The following PHF5A variants were observed in gnomAD, a reference collection of about 807,000 sequenced individuals.
PHF5A encodes the protein PHD finger protein 5A.
For synonymous variants in PHF5A, 52 were observed against 46.0 expected (o/e 1.13, Z -0.52); for missense variants, 24 against 140.6 (o/e 0.17, Z 4.19).
chr22:41,467,873 G>A, intron 2 of PHF5A: 1 of 606,594 alleles, frequency 1.6e-6, no homozygotes. Flanking sequence ...TATAATTGCT[G>A]GCAAAGTGCT....
intron 3 of PHF5A, 41 bp from the exon 4 acceptor site, chr22:41,460,528 G>A (rs760564197): frequency 4.0e-6 from 6 of 1,494,560 alleles, no homozygotes; most frequent in East Asian, 2.3e-5. Context: ...CTTTGAGCCT[G>A]AACCAAGAGT....
At chr22:41,467,376 G>A in intron 3 of PHF5A, 72 bp downstream of exon 3, 19 of 1,444,278 alleles carry the variant, frequency 1.3e-5, no homozygotes, top group Non-Finnish European at 1.8e-5. Context: ...ATAGACCATA[G>A]GAGATTGCAG....
intron 3 of PHF5A, among the ~76,000 whole-genome samples, chr22:41,465,409 T>C (rs1276513068): frequency 2.0e-5 from 3 of 151,658 alleles, no homozygotes; most frequent in Non-Finnish European, 4.4e-5. Context: ...GTGATCCACC[T>C]GCCTCAACCT....
chr22:41,468,199 A>G, intron 1 of PHF5A, 52 bp from the exon 2 acceptor site: 2 of 1,601,398 alleles, frequency 1.2e-6, no homozygotes, highest in Non-Finnish European at 1.7e-6. Context: ...GTTTTGAGAA[A>G]GAGGAGAAGT....
chr22:41,463,634 A>G (rs941200491), intron 3 of PHF5A, among the ~76,000 whole-genome samples: 6 of 149,358 alleles, frequency 4.0e-5, no homozygotes, highest in Admixed American at 3.3e-4. Context: ...CTGAGACGGA[A>G]GAATTGCTTG....
rs1196677718 is a variant in PHF5A at position 41,468,107 on chromosome 22, C to T, written c.76+17G>A. 6.2e-7 allele frequency: 1 copy of T among 1,613,466 alleles called. No individual in the cohort carries two copies. Among genetic ancestry groups the T allele is most frequent in the Non-Finnish European group, 8.5e-7 (1 of 1,179,622 alleles). ...GAGTGGGAAGGGTGGGTTGTTGGGA[C>T]GGTGTGTTCCACTCACATTTTTCAC... is the stretch of plus-strand genomic sequence containing the variant. On this transcript the variant is annotated intron_variant, in intron 2 of 3. Coordinates refer to ENST00000216252, the MANE Select transcript of PHF5A (RefSeq NM_032758.4).
chr22:41,459,897 C>T lies in PHF5A; in HGVS notation c.*501G>A. The T allele has an allele frequency of 2.3e-5, 1 of 44,220 alleles. No individual in the cohort carries two copies. The highest frequency in any genetic ancestry group is 4.9e-5 in the Non-Finnish European group (1 of 20,234). 2.7% of individuals were successfully genotyped at this position (44,220 alleles called of 1,614,324 possible). On this transcript the variant is annotated 3_prime_UTR_variant, in exon 4 of 4. Transcript: ENST00000216252. ...TAAATGCCTTTCAAGAGGGCAGAGC[C>T]CTGCCCCCCCACCCCCCCCCCAAAA...
At chr22:41,461,638 G>GT (rs983054802) in intron 3 of PHF5A, among the ~76,000 whole-genome samples, 9 of 151,754 alleles carry the variant, frequency 5.9e-5, no homozygotes, top group Non-Finnish European at 1.0e-4. Context: ...GATTACAGGC[G>GT]TGAGTCACAG....
intron 2 of PHF5A, 21 bp downstream of exon 2, chr22:41,468,103 G>A: frequency 6.2e-7 from 1 of 1,613,500 alleles, no homozygotes; most frequent in South Asian, 1.1e-5. Flanking sequence ...GTGGGTTGTT[G>A]GGACGGTGTG....
At chr22:41,467,897 G>C in intron 2 of PHF5A, 1 of 611,156 alleles carries the variant, frequency 1.6e-6, no homozygotes, top group South Asian at 2.0e-5. Flanking sequence ...TGTTGGGGAG[G>C]GGTCATGCTA....
chr22:41,463,420 AT>A (rs1285379890), intron 3 of PHF5A, among the ~76,000 whole-genome samples: 2 of 151,706 alleles, frequency 1.3e-5, no homozygotes, highest in Non-Finnish European at 2.9e-5. Flanking sequence ...GTGAAACCCC[AT>A]TTCTACTGAA....
chr22:41,465,110 A>G (rs563867430), intron 3 of PHF5A, among the ~76,000 whole-genome samples: 10 of 152,324 alleles, frequency 6.6e-5, no homozygotes, highest in African/African-American at 2.4e-4. Flanking sequence ...GGTCCAAATC[A>G]TTATGTTTTT....
chr22:41,467,722 A>T (rs2037880486), intron 2 of PHF5A, 108 bp from the exon 3 acceptor site: 1 of 1,299,052 alleles, frequency 7.7e-7, no homozygotes, highest in Non-Finnish European at 1.1e-6. Context: ...TCTCCTTTTG[A>T]CAGTGACTTT....
At chr22:41,460,615 G>C in intron 3 of PHF5A, 128 bp from the exon 4 acceptor site, 2 of 569,744 alleles carry the variant, frequency 3.5e-6, no homozygotes, top group Non-Finnish European at 5.9e-6. Flanking sequence ...GGCCGAGGCA[G>C]GAGGATTGCT....
chr22:41,468,313 T>A (rs987344220), intron 1 of PHF5A, 166 bp from the exon 2 acceptor site: 1 of 685,646 alleles, frequency 1.5e-6, no homozygotes, highest in Non-Finnish European at 2.5e-6. Flanking sequence ...CAAACCTACA[T>A]CCAAGCACCC....
chr22:41,463,837 T>C (rs1344466744), intron 3 of PHF5A, among the ~76,000 whole-genome samples: 1 of 150,812 alleles, frequency 6.6e-6, no homozygotes, highest in African/African-American at 2.4e-5. Flanking sequence ...GAGATTGTAA[T>C]GAGCCGAGAT....
In PHF5A at chr22:41,467,619, A is replaced by G; in HGVS notation, c.77-5T>C. Reference sequence around the variant, plus strand: ...AAATCACACACTTGCCATCACCTGTAAGGAAGAGAATGGAGTCATGCTCAC... The same window carrying G: ...AAATCACACACTTGCCATCACCTGTGAGGAAGAGAATGGAGTCATGCTCAC... On this transcript the variant is annotated splice_polypyrimidine_tract_variant and splice_region_variant and intron_variant, in intron 2 of 3. Coordinates refer to ENST00000216252, the MANE Select transcript of PHF5A (RefSeq NM_032758.4). 6.2e-7 allele frequency: 1 copy of G among 1,614,064 alleles called. No individual in the cohort carries two copies.
exon 1 of PHF5A, chr22:41,468,689 AACTTCCGTCC>A: frequency 6.2e-7 from 1 of 1,605,706 alleles, no homozygotes; most frequent in African/African-American, 1.3e-5. Context: ...AAGCTTCGGG[AACTTCCGTCC>A]GACCTTTAAC....
chr22:41,465,617 C>T (rs1266902820), intron 3 of PHF5A, among the ~76,000 whole-genome samples: 1 of 152,148 alleles, frequency 6.6e-6, no homozygotes, highest in Non-Finnish European at 1.5e-5. Flanking sequence ...CGTGATGGCT[C>T]ACGCCTGTAA....
Sources: gnomAD v4.1 joint callset for allele counts (sites outside exome capture counted in the v4.1 genomes callset) on GRCh38, gnomAD v4.1.1 for gene constraint, MANE v1.5 for transcripts, NCBI Gene and HGNC (gene_info 2026-07-23, HGNC 2026-07-21) for gene names.